The following RNLS variants were observed in gnomAD, a reference collection of about 807,000 sequenced individuals.
RNLS encodes renalase, FAD dependent amine oxidase, also known as renalase.
RNLS carries 39 observed loss-of-function variants against 39.8 expected under a neutral mutation model. The observed-to-expected ratio is 0.98, with a 90% CI of 0.76 to 1.28. RNLS has a LOEUF of 1.28. Ranked by LOEUF, RNLS falls within the 50% of genes most tolerant of loss-of-function variation. The pLI is 0.00. For synonymous variants in RNLS, 147 were observed against 150.7 expected (o/e 0.98, Z 0.18); for missense variants, 410 against 413.3 (o/e 0.99, Z 0.07).
intron 4 of RNLS, among the ~76,000 whole-genome samples, chr10:88,506,963 T>C (rs1036920145): frequency 2.6e-5 from 4 of 152,078 alleles, no homozygotes; most frequent in Non-Finnish European, 5.9e-5. Flanking sequence ...ACATGTGAAC[T>C]ATATTAAAAA....
At chr10:88,316,523 A>G (rs995631705) in intron 5 of RNLS, among the ~76,000 whole-genome samples, 5 of 152,204 alleles carry the variant, frequency 3.3e-5, no homozygotes, top group Non-Finnish European at 7.3e-5. Context: ...ATTCTGAAGC[A>G]GGGAAGTTGG....
At chr10:88,205,042 G>A in the RNLS span, among the ~76,000 whole-genome samples, 4 of 152,104 alleles carry the variant, frequency 2.6e-5, no homozygotes, top group South Asian at 2.1e-4. Flanking sequence ...TTGCTCAAGC[G>A]CAGTTGAATT....
At chr10:88,532,270 A>G (rs1198635132) in intron 4 of RNLS, among the ~76,000 whole-genome samples, 1 of 152,056 alleles carries the variant, frequency 6.6e-6, no homozygotes, top group Non-Finnish European at 1.5e-5. Flanking sequence ...AGAATATGGA[A>G]TATGTTTTTA....
chr10:88,424,663 C>T (rs758112139), intron 4 of RNLS, among the ~76,000 whole-genome samples: 105 of 152,174 alleles, frequency 6.9e-4, no homozygotes, highest in Non-Finnish European at 4.0e-4. Flanking sequence ...AATAGGGTAA[C>T]GAGTAAAAGA....
intron 4 of RNLS, among the ~76,000 whole-genome samples, chr10:88,468,785 T>A (rs1377476479): frequency 6.6e-6 from 1 of 152,176 alleles, no homozygotes; most frequent in Non-Finnish European, 1.5e-5. Context: ...CATGTTCCCG[T>A]ACTACGTCCC....
intron 4 of RNLS, among the ~76,000 whole-genome samples, chr10:88,521,411 A>T (rs578038758): frequency 2.0e-4 from 30 of 152,174 alleles, no homozygotes; most frequent in Admixed American, 4.6e-4. Context: ...CCTCCTGCAG[A>T]TGATGGGGAA....
intron 4 of RNLS, among the ~76,000 whole-genome samples, chr10:88,382,621 A>G (rs1851613879): frequency 6.6e-6 from 1 of 152,166 alleles, no homozygotes; most frequent in Non-Finnish European, 1.5e-5. Flanking sequence ...TAAGACTATT[A>G]GCTTTTTGGT....
intron 4 of RNLS, among the ~76,000 whole-genome samples, chr10:88,506,389 C>T (rs1002375169): frequency 2.6e-5 from 4 of 151,964 alleles, no homozygotes; most frequent in Middle Eastern, 3.2e-3. Flanking sequence ...TTATCATTAC[C>T]TATCTTAGAT....
chr10:88,531,582 A>G (rs955622988), intron 4 of RNLS, among the ~76,000 whole-genome samples: 3 of 151,832 alleles, frequency 2.0e-5, no homozygotes, highest in Admixed American at 2.0e-4. Flanking sequence ...TCTCAGCACC[A>G]CTCAATCATA....
chr10:88,174,707 G>A, the RNLS span, among the ~76,000 whole-genome samples: 9 of 152,216 alleles, frequency 5.9e-5, no homozygotes, highest in Admixed American at 2.0e-4. Context: ...CAGGCATAAT[G>A]GTCTGTTTTG....
At chr10:88,336,843 A>G (rs1847539294) in intron 5 of RNLS, among the ~76,000 whole-genome samples, 4 of 152,172 alleles carry the variant, frequency 2.6e-5, no homozygotes, top group Admixed American at 2.6e-4. Context: ...TACTGATTGT[A>G]GTTGCATTCT....
At chr10:88,432,641 T>C (rs187684339) in intron 4 of RNLS, among the ~76,000 whole-genome samples, 16 of 152,166 alleles carry the variant, frequency 1.1e-4, no homozygotes, top group African/African-American at 3.9e-4. Flanking sequence ...CTCTTGGTTT[T>C]GTTATTTTAG....
chr10:88,289,756 A>G (rs1843536706), intron 6 of RNLS, among the ~76,000 whole-genome samples: 1 of 152,172 alleles, frequency 6.6e-6, no homozygotes, highest in Non-Finnish European at 1.5e-5. Context: ...GAAGTTCTTG[A>G]CAGAAAACCT....
chr10:88,343,716 T>C, intron 5 of RNLS: 1 of 985,358 alleles, frequency 1.0e-6, no homozygotes, highest in Non-Finnish European at 1.2e-6. Context: ...TGGGAGAAGA[T>C]TTTCTTTGGC....
chr10:88,353,252 GC>G (rs1296071929), intron 5 of RNLS, among the ~76,000 whole-genome samples: 2 of 152,158 alleles, frequency 1.3e-5, no homozygotes, highest in African/African-American at 4.8e-5. Flanking sequence ...CCTTCTGCTA[GC>G]TTTTGAATGT....
chr10:88,484,820 A>G (rs1046732847), intron 4 of RNLS, among the ~76,000 whole-genome samples: 3 of 151,950 alleles, frequency 2.0e-5, no homozygotes, highest in African/African-American at 7.2e-5. Flanking sequence ...CAGACAGAGA[A>G]AAAAAATACA....
the RNLS span, among the ~76,000 whole-genome samples, chr10:88,222,673 G>C: frequency 1.4e-5 from 2 of 145,696 alleles, no homozygotes; most frequent in Non-Finnish European, 3.0e-5. Context: ...GACTGATTTA[G>C]TTTTCAAATC....
intron 4 of RNLS, among the ~76,000 whole-genome samples, chr10:88,505,394 ACTCT>A (rs1264435260): frequency 2.6e-5 from 3 of 113,658 alleles, no homozygotes; most frequent in Admixed American, 9.6e-5. Flanking sequence ...TAGCAGAGAC[ACTCT>A]GTTTGTGAGT....
At chr10:88,244,877 T>G in the RNLS span, among the ~76,000 whole-genome samples, 2 of 151,972 alleles carry the variant, frequency 1.3e-5, no homozygotes, top group Non-Finnish European at 2.9e-5. Flanking sequence ...AAATGGAACC[T>G]CCATAGAAAA....
Sources: gnomAD v4.1 joint callset for allele counts (sites outside exome capture counted in the v4.1 genomes callset) on GRCh38, gnomAD v4.1.1 for gene constraint, MANE v1.5 for transcripts, NCBI Gene and HGNC (gene_info 2026-07-23, HGNC 2026-07-21) for gene names.